The following MDGA2 variants were observed in gnomAD, a reference collection of about 807,000 sequenced individuals.
MDGA2 encodes the protein MAM domain-containing glycosylphosphatidylinositol anchor protein 2.
In MDGA2, 40 loss-of-function variants were observed where a neutral mutation model predicts 117.8. That is an observed-to-expected ratio of 0.34 (90% CI 0.26 to 0.44). The LOEUF (loss-of-function observed/expected upper bound fraction) is 0.44, where lower values mean the gene tolerates loss of function less well. Among genes scored for constraint, MDGA2 ranks in the 20% least tolerant of loss-of-function variants. MDGA2 has a pLI of 1.00. For synonymous variants in MDGA2, 452 were observed against 439.0 expected (o/e 1.03, Z -0.37); for missense variants, 1,123 against 1,250.6 (o/e 0.90, Z 1.54).
intron 2 of MDGA2, among the ~76,000 whole-genome samples, chr14:47,265,843 A>C (rs1887948434): frequency 6.6e-6 from 1 of 152,104 alleles, no homozygotes; most frequent in African/African-American, 2.4e-5. Context: ...ACAGAAGTTT[A>C]AAATTTTCCA....
chr14:47,318,925 C>G (rs1889894551), intron 1 of MDGA2, among the ~76,000 whole-genome samples: 1 of 152,120 alleles, frequency 6.6e-6, no homozygotes. Context: ...TCTATCTTTT[C>G]CTAACTGATT....
At position 47,614,482 on chromosome 14, in the gene MDGA2, C is replaced by T. The variant is rs141298929; in HGVS notation, c.280+60035G>A. ...CTACCTCTCTTACACCCAATACTGG[C>T]CTTCCATTAATGTTATTTCCACACT... On this transcript the variant is annotated intron_variant, in intron 1 of 16. Coordinates refer to ENST00000399232, the MANE Select transcript of MDGA2 (RefSeq NM_001113498.3). Among the ~76,000 whole-genome samples the T allele has an allele frequency of 2.0e-3, 298 of 152,224 alleles. 2 individuals carry two copies. Among genetic ancestry groups the T allele is most frequent in the African/African-American group, 6.8e-3 (284 of 41,544 alleles).
intron 1 of MDGA2, among the ~76,000 whole-genome samples, chr14:47,583,857 T>C (rs1896273121): frequency 6.6e-6 from 1 of 151,848 alleles, no homozygotes. Context: ...TAGTCTTTTA[T>C]TTTTAATTAC....
chr14:47,570,722 G>T (rs1896003444), intron 1 of MDGA2, among the ~76,000 whole-genome samples: 1 of 152,048 alleles, frequency 6.6e-6, no homozygotes, highest in African/African-American at 2.4e-5. Context: ...GCTGAAACTG[G>T]ATCCCTTCCT....
chr14:47,282,707 A>C (rs577608496), intron 2 of MDGA2, among the ~76,000 whole-genome samples: 17 of 148,528 alleles, frequency 1.1e-4, no homozygotes, highest in Admixed American at 6.6e-4. Flanking sequence ...AAAAAAAAAA[A>C]CAAAAAACAA....
chr14:47,312,291 A>G (rs1050221301), intron 1 of MDGA2, among the ~76,000 whole-genome samples: 3 of 152,062 alleles, frequency 2.0e-5, no homozygotes, highest in African/African-American at 4.8e-5. Flanking sequence ...GAACCTTCTT[A>G]TATCTGCCAT....
chr14:47,382,905 G>A (rs1413534711), intron 1 of MDGA2, among the ~76,000 whole-genome samples: 1 of 152,156 alleles, frequency 6.6e-6, no homozygotes, highest in Non-Finnish European at 1.5e-5. Context: ...ACATGCACAT[G>A]TATGTTTATT....
rs1199714697 is a variant in MDGA2, at chr14:47,286,822, TATAC to T, written c.420+14585_420+14588del. Among the ~76,000 whole-genome samples the T allele has an allele frequency of 1.8e-4, 21 of 117,976 alleles. 1 individual carries two copies. In the East Asian group the frequency reaches 3.8e-3, roughly 21 times the overall value. The allele number at this position is 117,976 out of a possible 152,430, so 77.4% of individuals were successfully genotyped here. ...ATATCATTATATATATATATATATA[TATAC>T]ATATATATATGTATATATATATATA... On this transcript the variant is annotated intron_variant, in intron 2 of 16. Coordinates refer to ENST00000399232, the MANE Select transcript of MDGA2 (RefSeq NM_001113498.3).
rs117669183 is a variant in MDGA2, at chr14:47,291,980, T to C, written c.420+9431A>G. On this transcript the variant is annotated intron_variant, in intron 2 of 16. Coordinates refer to ENST00000399232, the MANE Select transcript of MDGA2 (RefSeq NM_001113498.3). ...CAAACTTCTAAATTCTCTTTCATGA[T>C]AAGAATTAAAAAGCATGCATTTGTT... 3.5e-4 allele frequency among the ~76,000 whole-genome samples: 53 copies of C among 152,316 alleles called. 1 individual carries two copies. The East Asian group carries it at 0.01, about 29-fold the overall frequency.
intron 2 of MDGA2, among the ~76,000 whole-genome samples, chr14:47,298,263 T>C (rs1202412653): frequency 6.6e-6 from 1 of 152,050 alleles, no homozygotes; most frequent in Admixed American, 6.5e-5. Flanking sequence ...CGTACTGACC[T>C]CTCCTTCACT....
chr14:47,240,967 T>A (rs188374233), intron 2 of MDGA2, among the ~76,000 whole-genome samples: 31 of 151,966 alleles, frequency 2.0e-4, no homozygotes, highest in African/African-American at 7.5e-4. Flanking sequence ...TCCAAGAGTA[T>A]AAAGAGGCAC....
chr14:46,912,399 TCA>T (rs1283202856), intron 10 of MDGA2, among the ~76,000 whole-genome samples: 5 of 152,120 alleles, frequency 3.3e-5, no homozygotes, highest in African/African-American at 1.2e-4. Flanking sequence ...TTTACCACCT[TCA>T]GTTTCATATC....
chr14:47,376,074 C>G (rs1440145722), intron 1 of MDGA2, among the ~76,000 whole-genome samples: 1 of 152,102 alleles, frequency 6.6e-6, no homozygotes, highest in Admixed American at 6.6e-5. Context: ...AAACTATAAA[C>G]AATATTTTGT....
At chr14:47,577,293 G>A (rs899874262) in intron 1 of MDGA2, among the ~76,000 whole-genome samples, 1 of 152,060 alleles carries the variant, frequency 6.6e-6, no homozygotes, top group Non-Finnish European at 1.5e-5. Context: ...ATTAACTCCA[G>A]ATGGGTTAAA....
intron 3 of MDGA2, among the ~76,000 whole-genome samples, chr14:47,153,167 C>T (rs1348156706): frequency 6.6e-6 from 1 of 152,180 alleles, no homozygotes; most frequent in Non-Finnish European, 1.5e-5. Context: ...TTAGAAAGAT[C>T]ATCCTAGCTC....
intron 1 of MDGA2, among the ~76,000 whole-genome samples, chr14:47,547,267 A>T (rs1895481970): frequency 6.6e-6 from 1 of 152,200 alleles, no homozygotes; most frequent in African/African-American, 2.4e-5. Flanking sequence ...AATAAAAGGT[A>T]ATGGGCAGAA....
chr14:47,453,032 C>T (rs1187539558), intron 1 of MDGA2, among the ~76,000 whole-genome samples: 1 of 151,958 alleles, frequency 6.6e-6, no homozygotes, highest in African/African-American at 2.4e-5. Context: ...TTAATTATAA[C>T]AGTCTACCTT....
At chr14:47,111,074 A>G (rs565089630) in intron 5 of MDGA2, among the ~76,000 whole-genome samples, 2 of 152,304 alleles carry the variant, frequency 1.3e-5, no homozygotes, top group South Asian at 2.1e-4. Flanking sequence ...TTAGGAGACA[A>G]TTATAGCCCT....
chr14:47,423,427 C>T (rs1892620477), intron 1 of MDGA2, among the ~76,000 whole-genome samples: 1 of 152,112 alleles, frequency 6.6e-6, no homozygotes, highest in African/African-American at 2.4e-5. Context: ...CACTGTTCAC[C>T]TAATTTAATC....
Sources: allele counts gnomAD v4.1 joint callset (sites outside exome capture counted in the v4.1 genomes callset), GRCh38; gene constraint gnomAD v4.1.1; transcripts MANE v1.5; gene names NCBI Gene and HGNC (gene_info 2026-07-23, HGNC 2026-07-21).